DNAH11: variants seen among roughly 807,000 people sequenced by gnomAD.
DNAH11 encodes the protein axonemal beta dynein heavy chain 11.
In DNAH11, 442 loss-of-function variants were observed where a neutral mutation model predicts 526.0. The ratio of observed to expected loss-of-function variants is 0.84; its 90% CI spans 0.78 to 0.91. DNAH11 has a LOEUF of 0.91. DNAH11 is among the 40% of genes least tolerant of loss of function. DNAH11 has a pLI of 0.00. For synonymous variants in DNAH11, 2,461 were observed against 1,935.9 expected (o/e 1.27, Z -7.12); for missense variants, 6,989 against 5,448.7 (o/e 1.28, Z -8.90).
At chr7:21,889,957 A>C (rs4392794) in intron 76 of DNAH11, among the ~76,000 whole-genome samples, 122,173 of 152,124 alleles carry the variant, frequency 0.8, 50,235 homozygotes, top group Non-Finnish European at 0.9. Flanking sequence ...ACACAAGTCT[A>C]TGTATGGAGG....
chr7:21,831,585 A>G (rs552722970), intron 65 of DNAH11, among the ~76,000 whole-genome samples: 3 of 152,298 alleles, frequency 2.0e-5, no homozygotes, highest in South Asian at 2.1e-4. Flanking sequence ...TTCCAACAGC[A>G]TGGCAGCATC....
At chr7:21,640,965 C>T (rs879533307) in intron 28 of DNAH11, among the ~76,000 whole-genome samples, 2 of 152,156 alleles carry the variant, frequency 1.3e-5, no homozygotes, top group Non-Finnish European at 2.9e-5. Context: ...TGTCCATCTT[C>T]ACCCTTAACA....
At chr7:21,620,104 T>C (rs1227499910) in intron 25 of DNAH11, 26 bp downstream of exon 25, 1 of 1,503,842 alleles carries the variant, frequency 6.6e-7, no homozygotes, top group Non-Finnish European at 8.9e-7. Flanking sequence ...TTATTGCATA[T>C]ATTTTTCATT....
rs188892583 is a variant in DNAH11 at position 21,860,489 on chromosome 7, A to T, written c.11203-1364A>T. 6.6e-5 allele frequency among the ~76,000 whole-genome samples: 10 copies of T among 152,338 alleles called. No homozygotes were observed. In the East Asian group the frequency reaches 1.7e-3, roughly 26 times the overall value. ...AAAGAGTGTCTTTAGGAGATATCCAAATACCCAAATTCATAGTAGCATTAT... is the reference window on the plus strand; with the variant it reads ...AAAGAGTGTCTTTAGGAGATATCCATATACCCAAATTCATAGTAGCATTAT... On this transcript the variant is annotated intron_variant, in intron 68 of 81. Coordinates refer to ENST00000409508, the MANE Select transcript of DNAH11 (RefSeq NM_001277115.2).
chr7:21,655,608 T>C lies in DNAH11; in HGVS notation c.4945-224T>C, dbSNP rs189212672. 6.5e-4 allele frequency among the ~76,000 whole-genome samples: 99 copies of C among 152,274 alleles called. 1 individual carries two copies. The East Asian group carries it at 0.018, about 28-fold the overall frequency. On this transcript the variant is annotated intron_variant, in intron 28 of 81. Transcript: ENST00000409508. ...ATAGGTCACTTTTCATGGTAAGCAT[T>C]CATCAGCCAGTATGTGATGATTTGA...
chr7:21,857,779 CATAAA>C (rs1395164131), intron 68 of DNAH11, among the ~76,000 whole-genome samples: 1 of 152,006 alleles, frequency 6.6e-6, no homozygotes, highest in African/African-American at 2.4e-5. Flanking sequence ...ATCCACATGA[CATAAA>C]ATAAACCTCA....
At chr7:21,649,672 T>C (rs933005216) in intron 28 of DNAH11, among the ~76,000 whole-genome samples, 1 of 151,398 alleles carries the variant, frequency 6.6e-6, no homozygotes, top group African/African-American at 2.4e-5. Flanking sequence ...TTTTTTTTTT[T>C]CTGTAGATGG....
At chr7:21,830,328 C>G (rs1197942927) in intron 65 of DNAH11, among the ~76,000 whole-genome samples, 3 of 152,088 alleles carry the variant, frequency 2.0e-5, no homozygotes, top group African/African-American at 2.4e-5. Context: ...AATTATAGAT[C>G]TCAGATGAGG....
In DNAH11 at chr7:21,866,510, A is replaced by C. The variant is rs758143429; in HGVS notation, c.11537A>C (p.Asp3846Ala). ...VMEEFRGIDR[D>A]VEGSAKQWRK... Reference sequence around the variant, plus strand: ...GAAGAATTTCGAGGCATAGACCGAGATGTGGAAGGATCTGCCAAGCAGTGG... The same window carrying C: ...GAAGAATTTCGAGGCATAGACCGAGCTGTGGAAGGATCTGCCAAGCAGTGG... The change falls in exon 71 of 82, where the codon GAT becomes GCT. Residue 3846 changes from aspartate (D) to alanine (A), a missense_variant. Asp to Ala is a moderately radical substitution (Grantham distance 126). Coordinates refer to ENST00000409508, the MANE Select transcript of DNAH11 (RefSeq NM_001277115.2). 1 of 1,613,596 alleles carries C rather than the reference A, an allele frequency of 6.2e-7. No individual in the cohort carries two copies.
intron 56 of DNAH11, among the ~76,000 whole-genome samples, chr7:21,778,611 C>G (rs996046579): frequency 1.3e-5 from 2 of 152,170 alleles, no homozygotes; most frequent in African/African-American, 4.8e-5. Context: ...TTCCCACAAC[C>G]TCTGCTTCCT....
At position 21,784,444 on chromosome 7, in the gene DNAH11, T is replaced by A. The variant is rs1788085932; in HGVS notation, c.9501T>A (p.Thr3167=). Residue 3167 remains threonine, a synonymous_variant, in exon 58 of 82, where the codon ACT becomes ACA. Transcript: ENST00000409508. ...TTAATTAGGTGACAGCCATTCAGAC[T>A]GAAGTGTTCCAGAAACAGAGAGAAT... The part of the protein sequence containing the change: ...AEERKVTAIQ[T]EVFQKQRECE... The A allele has an allele frequency of 6.2e-7, 1 of 1,613,190 alleles. No individual in the cohort carries two copies.
chr7:21,591,038 T>TA lies in DNAH11; in HGVS notation c.2274+24dup, dbSNP rs527250937. ...TATTTTAAAGGTTTGTGATTTTTGT[T>TA]AAAAAAAAGATACTAGGGCCTATTA... On this transcript the variant is annotated intron_variant, in intron 13 of 81. Transcript: ENST00000409508. 205 of 1,460,640 alleles carry TA rather than the reference T, an allele frequency of 1.4e-4. No individual in the cohort carries two copies. The highest frequency in any genetic ancestry group is 7.3e-4 in the Admixed American group (25 of 34,124). 90.5% of individuals were successfully genotyped at this position (1,460,640 alleles called of 1,614,324 possible). A position where few individuals can be genotyped will look rare whatever the true frequency, so the allele number is the denominator to read the frequency against.
At chr7:21,753,362 A>T (rs567556504) in intron 54 of DNAH11, among the ~76,000 whole-genome samples, 7 of 152,298 alleles carry the variant, frequency 4.6e-5, no homozygotes, top group Admixed American at 4.6e-4. Flanking sequence ...GAGGGAGTAA[A>T]TATTTAATTT....
At chr7:21,770,259 A>AT (rs1787376318) in intron 55 of DNAH11, among the ~76,000 whole-genome samples, 1 of 152,108 alleles carries the variant, frequency 6.6e-6, no homozygotes, top group Non-Finnish European at 1.5e-5. Flanking sequence ...TATCATGGGG[A>AT]TGGGACCCAA....
intron 2 of DNAH11, among the ~76,000 whole-genome samples, chr7:21,551,467 A>G (rs1048436176): frequency 2.6e-5 from 4 of 152,186 alleles, no homozygotes; most frequent in Non-Finnish European, 5.9e-5. Flanking sequence ...CACTCTGTCC[A>G]GATTTTTCCA....
chr7:21,851,559 G>C, intron 66 of DNAH11: 2 of 471,506 alleles, frequency 4.2e-6, no homozygotes, highest in Non-Finnish European at 4.4e-6. Flanking sequence ...ATGTCATAAT[G>C]GTTACTTTTC....
chr7:21,881,274 A>G (rs1346307048), intron 75 of DNAH11, among the ~76,000 whole-genome samples: 3 of 152,254 alleles, frequency 2.0e-5, no homozygotes, highest in Non-Finnish European at 4.4e-5. Flanking sequence ...TGCATTAATA[A>G]TCACTACAAT....
At chr7:21,704,769 T>C in intron 38 of DNAH11, 141 bp downstream of exon 38, 1 of 921,194 alleles carries the variant, frequency 1.1e-6, no homozygotes, top group Non-Finnish European at 1.5e-6. Context: ...CATTTTCATA[T>C]GGCAGGATTA....
chr7:21,666,126 C>A (rs1782412943), intron 30 of DNAH11, among the ~76,000 whole-genome samples: 1 of 151,686 alleles, frequency 6.6e-6, no homozygotes, highest in South Asian at 2.1e-4. Context: ...CTTGGTTATC[C>A]CAAATTGTAG....
Sources: allele counts gnomAD v4.1 joint callset (sites outside exome capture counted in the v4.1 genomes callset), GRCh38; gene constraint gnomAD v4.1.1; transcripts MANE v1.5; gene names NCBI Gene and HGNC (gene_info 2026-07-23, HGNC 2026-07-21).